Variants in GML observed in about 807,000 individuals in gnomAD.
GML encodes the protein glycosyl-phosphatidylinositol-anchored molecule-like protein.
Under a neutral mutation model 8.2 loss-of-function variants are expected in GML, and 5 were observed. The observed-to-expected ratio is 0.61, with a 90% CI of 0.32 to 1.28. The LOEUF (loss-of-function observed/expected upper bound fraction) is 1.28, where lower values mean the gene tolerates loss of function less well. Among genes scored for constraint, GML ranks in the 50% most tolerant of loss-of-function variants. The pLI, the probability that GML is intolerant of heterozygous loss-of-function variation, is 0.06. For missense variants in GML, 191 were observed against 198.3 expected, an observed-to-expected ratio of 0.96 and a Z score of 0.22; for synonymous variants, 72 against 69.0, an observed-to-expected ratio of 1.04 and a Z score of -0.22.
intron 3 of GML, among the ~76,000 whole-genome samples, chr8:142,845,989 C>G (rs1469308836): frequency 1.3e-5 from 2 of 152,180 alleles, no homozygotes; most frequent in African/African-American, 2.4e-5. Context: ...ATGGACACCT[C>G]TGTTAAAGGT....
chr8:142,840,472 T>A lies in GML; in HGVS notation c.35T>A (p.Leu12His). The A allele has an allele frequency of 6.2e-7, 1 of 1,613,644 alleles. No homozygotes were observed. Among genetic ancestry groups the A allele is most frequent in the Non-Finnish European group, 8.5e-7 (1 of 1,179,536 alleles). ...TTTGCCTTACTCCTAGCCATGGAGC[T>A]CCCATTGGTGGCAGCCAGTGCCACC... is the stretch of plus-strand genomic sequence containing the variant. The part of the protein sequence containing the change: ...LLFALLLAME[L>H]PLVAASATMR... The change falls in exon 2 of 4, where the codon CTC (leucine) becomes CAC (histidine). Residue 12 changes from leucine (L) to histidine (H), a missense_variant. By Grantham distance (99) the Leu-to-His change is moderately conservative. Coordinates refer to ENST00000220940, the MANE Select transcript of GML (RefSeq NM_002066.3).
intron 1 of GML, among the ~76,000 whole-genome samples, chr8:142,836,254 C>A (rs1563857493): frequency 6.6e-6 from 1 of 152,058 alleles, no homozygotes. Flanking sequence ...CCTGTGGGGT[C>A]TGCCCTGCTC....
chr8:142,838,333 T>A (rs564278157), intron 1 of GML, among the ~76,000 whole-genome samples: 1 of 152,296 alleles, frequency 6.6e-6, no homozygotes, highest in Admixed American at 6.5e-5. Context: ...TTCTTCTGCC[T>A]TTGCTCCTGG....
intron 1 of GML, among the ~76,000 whole-genome samples, chr8:142,839,749 T>C (rs567886992): frequency 3.2e-4 from 49 of 152,074 alleles, no homozygotes; most frequent in Non-Finnish European, 8.8e-5. Flanking sequence ...TGGCAACTGA[T>C]TGGTGACCTG....
intron 2 of GML, 34 bp downstream of exon 2, chr8:142,840,544 G>A (rs1408459696): frequency 4.7e-6 from 7 of 1,504,104 alleles, no homozygotes; most frequent in African/African-American, 1.4e-5. Context: ...TCCTGGAGAG[G>A]ACGAGAATTC....
chr8:142,841,230 G>C lies in GML; in HGVS notation c.181+5G>C. 12 of 1,301,620 alleles carry C rather than the reference G, an allele frequency of 9.2e-6. No individual in the cohort carries two copies. Among genetic ancestry groups the C allele is most frequent in the Non-Finnish European group, 1.3e-5 (12 of 895,876 alleles). 80.6% of individuals were successfully genotyped at this position (1,301,620 alleles called of 1,614,324 possible). On this transcript the variant is annotated splice_donor_5th_base_variant and intron_variant, in intron 3 of 3. Coordinates refer to ENST00000220940, the MANE Select transcript of GML (RefSeq NM_002066.3). ...GCTGTATGACAATCTCCATTCGTAA[G>C]TACCTCTTTGTCATTTTGACACATT... is the stretch of plus-strand genomic sequence containing the variant.
chr8:142,845,452 T>C (rs985307671), intron 3 of GML, among the ~76,000 whole-genome samples: 1 of 152,220 alleles, frequency 6.6e-6, no homozygotes, highest in African/African-American at 2.4e-5. Context: ...ACTTTTTAAA[T>C]GGAAAATAAC....
chr8:142,841,115 C>G lies in GML; in HGVS notation c.74-3C>G. On this transcript the variant is annotated splice_region_variant and splice_polypyrimidine_tract_variant and intron_variant, in intron 2 of 3. Transcript: ENST00000220940. ...GCCTGAAGCCTGCTTTCTCCCCTCT[C>G]AGGGACTTACAGTTTGAGATGCCAT... 1.4e-6 allele frequency: 2 copies of G among 1,432,626 alleles called. No homozygotes were observed. Among genetic ancestry groups the G allele is most frequent in the Non-Finnish European group, 2.0e-6 (2 of 1,014,510 alleles). 88.7% of individuals were successfully genotyped at this position (1,432,626 alleles called of 1,614,324 possible).
intron 3 of GML, among the ~76,000 whole-genome samples, chr8:142,845,391 G>C (rs966015348): frequency 6.6e-6 from 1 of 152,178 alleles, no homozygotes; most frequent in Non-Finnish European, 1.5e-5. Context: ...AATCCATTGA[G>C]TTGTGGACTT....
chr8:142,836,309 C>T (rs533488525), intron 1 of GML, among the ~76,000 whole-genome samples: 7 of 151,672 alleles, frequency 4.6e-5, no homozygotes, highest in East Asian at 3.9e-4. Context: ...GGTCAGTGTC[C>T]AGAGAGTTGG....
rs1310294366 is a variant in GML at position 142,840,506 on chromosome 8, T to C, written c.69T>C (p.Ala23=). The change falls in exon 2 of 4, where the codon GCT becomes GCC. Residue 23 remains alanine, a synonymous_variant. Transcript: ENST00000220940. ...PLVAASATMR[A]QWTYSLRCHD... ...TGGCAGCCAGTGCCACCATGCGCGC[T>C]CAGTGTAAGTATCATTCCCTCTCAC... 1.9e-6 allele frequency: 3 copies of C among 1,599,866 alleles called. No homozygotes were observed. Among genetic ancestry groups the C allele is most frequent in the Admixed American group, 3.3e-5 (2 of 59,968 alleles).
Position 142,846,751 on chromosome 8 carries a change from A to G in GML, c.*61A>G, listed in dbSNP as rs1300036944. ...GTTCCGCAGAGAAATGTTGCTCTCC[A>G]TTATTCCCTTCTAAGCCAGAGACCC... On this transcript the variant is annotated 3_prime_UTR_variant, in exon 4 of 4. Transcript: ENST00000220940. 2.4e-6 allele frequency: 3 copies of G among 1,268,346 alleles called. No individual in the cohort carries two copies. The highest frequency in any genetic ancestry group is 3.4e-6 in the Non-Finnish European group (3 of 886,472). The allele number at this position is 1,268,346 out of a possible 1,614,324, so 78.6% of individuals were successfully genotyped here.
chr8:142,840,912 G>A (rs1816422394), intron 2 of GML, among the ~76,000 whole-genome samples: 2 of 152,178 alleles, frequency 1.3e-5, no homozygotes, highest in Admixed American at 1.3e-4. Flanking sequence ...GGAGAGCAGG[G>A]AAAGCTCTCC....
intron 3 of GML, among the ~76,000 whole-genome samples, chr8:142,844,702 A>C (rs1816482388): frequency 6.6e-6 from 1 of 152,240 alleles, no homozygotes; most frequent in Non-Finnish European, 1.5e-5. Context: ...AAAGTTGTTC[A>C]CTGTCGTTCT....
chr8:142,837,791 C>CT (rs1250858426), intron 1 of GML, among the ~76,000 whole-genome samples: 1 of 146,854 alleles, frequency 6.8e-6, no homozygotes, highest in Non-Finnish European at 1.5e-5. Context: ...TAGGGGCACT[C>CT]TGTCTCCTGG....
At chr8:142,838,842 G>C (rs4736336) in intron 1 of GML, among the ~76,000 whole-genome samples, 23,998 of 152,098 alleles carry the variant, frequency 0.16, 2,321 homozygotes, top group East Asian at 0.48. Flanking sequence ...ACCTGTGCCC[G>C]AGGAAATCAT....
intron 3 of GML, among the ~76,000 whole-genome samples, chr8:142,844,895 A>G (rs1337082559): frequency 6.6e-6 from 1 of 152,238 alleles, no homozygotes; most frequent in East Asian, 1.9e-4. Flanking sequence ...TGCGTATCAA[A>G]CACTGAGACT....
chr8:142,838,207 C>T (rs1322493986), intron 1 of GML, among the ~76,000 whole-genome samples: 1 of 151,744 alleles, frequency 6.6e-6, no homozygotes, highest in Non-Finnish European at 1.5e-5. Context: ...TACTGCATCC[C>T]ATGTAGAAGT....
At chr8:142,840,125 G>A (rs192669826) in intron 1 of GML, among the ~76,000 whole-genome samples, 114 of 152,300 alleles carry the variant, frequency 7.5e-4, no homozygotes, top group African/African-American at 2.6e-3. Flanking sequence ...AACATATTTC[G>A]GAGCGTGGGG....
Sources: allele counts gnomAD v4.1 joint callset (sites outside exome capture counted in the v4.1 genomes callset), GRCh38; gene constraint gnomAD v4.1.1; transcripts MANE v1.5; gene names NCBI Gene and HGNC (gene_info 2026-07-23, HGNC 2026-07-21).